The following LRP12 variants were observed in gnomAD, a reference collection of about 807,000 sequenced individuals.
LRP12 encodes LDL receptor related protein 12.
LRP12 carries 14 observed loss-of-function variants against 66.0 expected under a neutral mutation model. The observed-to-expected ratio is 0.21, with a 90% CI of 0.14 to 0.33. LRP12 has a LOEUF of 0.33. Among genes scored for constraint, LRP12 ranks in the 10% least tolerant of loss-of-function variants. LRP12 has a pLI of 1.00. For synonymous variants in LRP12, 357 were observed against 359.1 expected (o/e 0.99, Z 0.07); for missense variants, 889 against 1,053.4 (o/e 0.84, Z 2.16).
rs942475691 is a variant in LRP12, at chr8:104,588,726, G to A, written c.79+93C>T. The A allele has an allele frequency of 1.2e-5, 13 of 1,051,814 alleles. No individual in the cohort carries two copies. In the African/African-American group the frequency reaches 1.8e-4, roughly 14 times the overall value. 65.2% of individuals were successfully genotyped at this position (1,051,814 alleles called of 1,614,324 possible). On this transcript the variant is annotated intron_variant, in intron 1 of 6. Transcript: ENST00000276654. The stretch of plus-strand genomic sequence containing the variant: ...CCGCCGGTAGCCAGGGTCTCCGCGG[G>A]AGTCTCCAGGGGAACCCCCGTCCTG...
At chr8:104,582,103 C>T (rs919865877) in intron 1 of LRP12, among the ~76,000 whole-genome samples, 3 of 152,132 alleles carry the variant, frequency 2.0e-5, no homozygotes, top group Admixed American at 1.3e-4. Context: ...ACTAAACATC[C>T]TATTGTGCTC....
At chr8:104,530,384 T>C (rs558575538) in intron 2 of LRP12, among the ~76,000 whole-genome samples, 20 of 152,178 alleles carry the variant, frequency 1.3e-4, no homozygotes, top group East Asian at 5.8e-4. Flanking sequence ...CCTAATACCA[T>C]AGGACTCATG....
chr8:104,491,565 G>T, intron 6 of LRP12, 26 bp from the exon 7 acceptor site: 4 of 1,459,402 alleles, frequency 2.7e-6, no homozygotes, highest in Non-Finnish European at 2.8e-6. Flanking sequence ...AAGATCTTAA[G>T]ATAGTTAACA....
chr8:104,570,473 C>T (rs988397822), intron 1 of LRP12, among the ~76,000 whole-genome samples: 2 of 152,100 alleles, frequency 1.3e-5, no homozygotes, highest in African/African-American at 4.8e-5. Context: ...TAGACTCATG[C>T]AAATATAGCC....
intron 1 of LRP12, chr8:104,566,367 G>T: frequency 3.8e-6 from 1 of 260,034 alleles, no homozygotes; most frequent in Non-Finnish European, 7.5e-6. Context: ...GGAAAATGAC[G>T]CAGTGAAAAC....
At chr8:104,521,398 TAG>T (rs1269074169) in intron 2 of LRP12, among the ~76,000 whole-genome samples, 1 of 151,086 alleles carries the variant, frequency 6.6e-6, no homozygotes, top group East Asian at 1.9e-4. Context: ...TAATATAAAA[TAG>T]GTTACAATTA....
chr8:104,548,323 A>C (rs187862725), intron 1 of LRP12, among the ~76,000 whole-genome samples: 4 of 16,646 alleles, frequency 2.4e-4, no homozygotes, highest in Non-Finnish European at 3.4e-4. Flanking sequence ...ATAAATATAT[A>C]ATATATATTA....
Position 104,565,888 on chromosome 8 carries a change from A to C in LRP12, c.79+22931T>G, listed in dbSNP as rs1428050098. On this transcript the variant is annotated intron_variant, in intron 1 of 6. Coordinates refer to ENST00000276654, the MANE Select transcript of LRP12 (RefSeq NM_013437.5). ...AAAAAAAAAAAATACACACACACAC[A>C]CCCCATACATGTTACTTGGTTGTGG... 3.7e-5 allele frequency among the ~76,000 whole-genome samples: 5 copies of C among 134,682 alleles called. No homozygotes were observed. In the East Asian group the frequency reaches 7.4e-4, roughly 20 times the overall value. 88.4% of individuals were successfully genotyped at this position (134,682 alleles called of 152,430 possible).
intron 1 of LRP12, among the ~76,000 whole-genome samples, chr8:104,537,067 T>TA (rs563891275): frequency 0.039 from 5,452 of 141,220 alleles, 252 homozygotes; most frequent in African/African-American, 0.11. Flanking sequence ...GAAAAATATG[T>TA]AAAAAAAAAA....
At chr8:104,587,752 T>G (rs963380766) in intron 1 of LRP12, among the ~76,000 whole-genome samples, 5 of 152,208 alleles carry the variant, frequency 3.3e-5, no homozygotes, top group Non-Finnish European at 5.9e-5. Context: ...ACCATTATAC[T>G]AGTCAAATCA....
intron 1 of LRP12, among the ~76,000 whole-genome samples, chr8:104,584,623 G>A (rs1812302875): frequency 6.6e-6 from 1 of 150,694 alleles, no homozygotes; most frequent in Non-Finnish European, 1.5e-5. Context: ...ACTCTATCTA[G>A]AATACAGTTA....
intron 6 of LRP12, 149 bp from the exon 7 acceptor site, chr8:104,491,688 C>G: frequency 1.6e-6 from 1 of 616,480 alleles, no homozygotes; most frequent in Admixed American, 3.5e-5. Context: ...AAATTAAATT[C>G]TCTTACCTAT....
At chr8:104,548,034 A>G (rs1811627832) in intron 1 of LRP12, among the ~76,000 whole-genome samples, 1 of 123,244 alleles carries the variant, frequency 8.1e-6, no homozygotes, top group Admixed American at 1.0e-4. Flanking sequence ...TGTATATAAT[A>G]TATAATTCTG....
chr8:104,544,007 GAGTT>G (rs1265912363), intron 1 of LRP12, among the ~76,000 whole-genome samples: 3 of 152,314 alleles, frequency 2.0e-5, no homozygotes, highest in Non-Finnish European at 2.9e-5. Flanking sequence ...GAAAGCTAAA[GAGTT>G]AGTCAAGTTG....
Position 104,491,521 on chromosome 8 carries a change from G to T in LRP12, c.1732C>A (p.Leu578Met), listed in dbSNP as rs745813370. 2.5e-6 allele frequency: 4 copies of T among 1,606,210 alleles called. No individual in the cohort carries two copies. Among genetic ancestry groups the T allele is most frequent in the Middle Eastern group, 1.7e-4 (1 of 6,018 alleles). Residue 578 changes from leucine (L) to methionine (M), a missense_variant, in exon 7 of 7, where the codon CTG becomes ATG. Physicochemically the swap from Leu to Met is conservative, Grantham distance 15. Coordinates refer to ENST00000276654, the MANE Select transcript of LRP12 (RefSeq NM_013437.5). ...SPNQASVLENLRLAVRSQLGF... is the reference protein window; with the variant it reads ...SPNQASVLENMRLAVRSQLGF... Reference sequence around the variant, plus strand: ...AGCTGAGATCGTACCGCTAGCCTCAGATTTTCCAAAACAGAAGCCTACAAA... The same window carrying T: ...AGCTGAGATCGTACCGCTAGCCTCATATTTTCCAAAACAGAAGCCTACAAA...
intron 2 of LRP12, among the ~76,000 whole-genome samples, chr8:104,518,409 T>C (rs1168835597): frequency 6.6e-6 from 1 of 152,018 alleles, no homozygotes; most frequent in Non-Finnish European, 1.5e-5. Context: ...AGAGGCTTCA[T>C]AAAAGCTGTA....
At chr8:104,506,008 A>G (rs1477632940) in intron 3 of LRP12, 1 of 152,182 alleles carries the variant, frequency 6.6e-6, no homozygotes, top group Admixed American at 6.5e-5. Context: ...CCACTATTCA[A>G]AATTAGAGAT....
At chr8:104,563,468 A>G (rs1322680655) in intron 1 of LRP12, among the ~76,000 whole-genome samples, 2 of 152,158 alleles carry the variant, frequency 1.3e-5, no homozygotes, top group African/African-American at 2.4e-5. Context: ...ATGTCATTAT[A>G]TATCATTATT....
At chr8:104,546,908 T>TTATATAATTA (rs572712785) in intron 1 of LRP12, among the ~76,000 whole-genome samples, 1 of 144,230 alleles carries the variant, frequency 6.9e-6, no homozygotes, top group East Asian at 2.0e-4. Flanking sequence ...ATTATATATA[T>TTATATAATTA]TATATAATTA....
Sources: gnomAD v4.1 joint callset for allele counts (sites outside exome capture counted in the v4.1 genomes callset) on GRCh38, gnomAD v4.1.1 for gene constraint, MANE v1.5 for transcripts, NCBI Gene and HGNC (gene_info 2026-07-23, HGNC 2026-07-21) for gene names.